The following HYAL1 variants were observed in gnomAD, a reference collection of about 807,000 sequenced individuals.
HYAL1 encodes hyaluronidase 1, also known as hyaluronidase-1.
HYAL1 carries 21 observed loss-of-function variants against 28.8 expected under a neutral mutation model. The observed-to-expected ratio is 0.73, with a 90% confidence interval of 0.52 to 1.05. The LOEUF is 1.05. Ranked by LOEUF, HYAL1 falls within the 50% of genes least tolerant of loss-of-function variation. HYAL1 has a pLI of 0.00. For missense variants in HYAL1, 491 were observed against 579.2 expected (o/e 0.85, Z 1.56); for synonymous variants, 200 against 230.1 (o/e 0.87, Z 1.18).
At position 50,303,565 on chromosome 3, in the gene HYAL1, T is replaced by C. The variant is rs28365992; in HGVS notation, c.-124A>G. 12,574 of 152,434 alleles carry C rather than the reference T, an allele frequency of 0.082. 629 individuals are homozygous for C. The highest frequency in any genetic ancestry group is 0.11 in the Non-Finnish European group (7,375 of 68,122). 9.4% of individuals were successfully genotyped at this position (152,434 alleles called of 1,614,324 possible). A position where few individuals can be genotyped will look rare whatever the true frequency, so the allele number is the denominator to read the frequency against. ...CCACCCCAGCTGCACCAGAGACTCC[T>C]GGAGGAAGGAGCCGCTGCTGGAAAT... On this transcript the variant is annotated 5_prime_UTR_variant, in exon 1 of 4. Coordinates refer to ENST00000395144, the MANE Select transcript of HYAL1 (RefSeq NM_033159.4).
At chr3:50,310,030 T>C (rs1357022218) in intron 1 of HYAL1, among the ~76,000 whole-genome samples, 1 of 151,414 alleles carries the variant, frequency 6.6e-6, no homozygotes, top group African/African-American at 2.5e-5. Flanking sequence ...CCATGATTTG[T>C]CTTTAGTAAA....
intron 1 of HYAL1, among the ~76,000 whole-genome samples, chr3:50,311,261 G>C (rs1477325841): frequency 1.4e-5 from 2 of 140,082 alleles, no homozygotes; most frequent in East Asian, 2.2e-4. Flanking sequence ...CGGCCGGGGC[G>C]GGGGGCTGAC....
chr3:50,305,623 G>A (rs927564274), upstream of HYAL1, among the ~76,000 whole-genome samples: 1 of 141,724 alleles, frequency 7.1e-6, no homozygotes, highest in African/African-American at 2.7e-5. Flanking sequence ...GCAACCTCTG[G>A]CTCCCGGGTT....
rs1553713039 is a variant in HYAL1, at chr3:50,302,096, G to C, written c.861C>G (p.Val287=). ...GGTTTGTCGTGTCATAGAAGATCTGGACATAGGGCAGCACCGGCAGATTGG... is the reference window on the plus strand; with the variant it reads ...GGTTTGTCGTGTCATAGAAGATCTGCACATAGGGCAGCACCGGCAGATTGG... ...GDPNLPVLPY[V]QIFYDTTNHF... The change falls in exon 2 of 4, where the codon GTC becomes GTG. Residue 287 remains valine (V), a synonymous_variant. Coordinates refer to ENST00000395144, the MANE Select transcript of HYAL1 (RefSeq NM_033159.4). This position sits in a 1 kb window ranked among gnomAD's most constrained non-coding sequence, Gnocchi z 5.0. 3 of 1,614,216 alleles carry C rather than the reference G, an allele frequency of 1.9e-6. No individual in the cohort carries two copies. In the South Asian group the frequency reaches 3.3e-5, roughly 18 times the overall value.
intron 1 of HYAL1, among the ~76,000 whole-genome samples, chr3:50,312,013 T>C (rs868934745): frequency 0.02 from 1,744 of 87,370 alleles, 12 homozygotes; most frequent in African/African-American, 0.027. Context: ...GCTGGCCGGG[T>C]GGGAGGCTGT....
At chr3:50,311,049 C>T (rs1553714680) in intron 1 of HYAL1, among the ~76,000 whole-genome samples, 2 of 152,176 alleles carry the variant, frequency 1.3e-5, no homozygotes, top group East Asian at 1.9e-4. Flanking sequence ...TTTTCCCCAC[C>T]TTTCCCACCT....
chr3:50,306,087 C>T (rs1024060075), upstream of HYAL1, among the ~76,000 whole-genome samples: 4 of 151,312 alleles, frequency 2.6e-5, no homozygotes, highest in African/African-American at 4.9e-5. Context: ...CCTATCTGTG[C>T]TTGGTACCAG....
upstream of HYAL1, among the ~76,000 whole-genome samples, chr3:50,307,079 A>T (rs587622742): frequency 5.3e-5 from 8 of 150,276 alleles, no homozygotes; most frequent in South Asian, 1.0e-3. Flanking sequence ...AAAAAAAAAA[A>T]AAATAAGCCG....
At position 50,300,411 on chromosome 3, in the gene HYAL1, G is replaced by T; in HGVS notation, c.*72C>A. On this transcript the variant is annotated 3_prime_UTR_variant, in exon 4 of 4. Transcript: ENST00000395144. ...GACCATGACTTGTATGACTGTGCAT[G>T]TATTTGAGGAAGCCCTGGCCAGACC... 1 of 1,441,152 alleles carries T rather than the reference G, an allele frequency of 6.9e-7. No individual in the cohort carries two copies. Among genetic ancestry groups the T allele is most frequent in the Non-Finnish European group, 9.8e-7 (1 of 1,023,818 alleles). 89.3% of individuals were successfully genotyped at this position (1,441,152 alleles called of 1,614,324 possible). A position where few individuals can be genotyped will look rare whatever the true frequency, so the allele number is the denominator to read the frequency against.
chr3:50,306,626 C>A (rs1357743663), upstream of HYAL1, among the ~76,000 whole-genome samples: 1 of 151,168 alleles, frequency 6.6e-6, no homozygotes, highest in Non-Finnish European at 1.5e-5. Context: ...GTGGCTCACA[C>A]CCGTAATCCC....
upstream of HYAL1, among the ~76,000 whole-genome samples, chr3:50,307,406 C>T (rs113178391): frequency 9.3e-4 from 139 of 149,554 alleles, 7 homozygotes; most frequent in African/African-American, 3.1e-3. Flanking sequence ...TAGGGCCGGA[C>T]GCAGTGGCTC....
At chr3:50,307,663 A>G (rs1279070333), upstream of HYAL1, among the ~76,000 whole-genome samples, 11 of 125,098 alleles carry the variant, frequency 8.8e-5, no homozygotes, top group Admixed American at 7.7e-4. Context: ...CCTGGGTGAC[A>G]GAGCAAGACT....
chr3:50,307,944 G>A (rs1575522200), upstream of HYAL1, among the ~76,000 whole-genome samples: 5 of 149,140 alleles, frequency 3.4e-5, no homozygotes, highest in South Asian at 2.1e-4. Context: ...ACAGGGGCCC[G>A]CCATCATGCC....
chr3:50,306,972 A>G (rs1429753512), upstream of HYAL1, among the ~76,000 whole-genome samples: 1 of 151,124 alleles, frequency 6.6e-6, no homozygotes, highest in Non-Finnish European at 1.5e-5. Context: ...CAGGAGGCTG[A>G]GGCAGGAGAA....
Position 50,300,483 on chromosome 3 carries a change from TCAC to T in HYAL1, c.1305_1307del (p.Trp435del). 6.2e-7 allele frequency: 1 copy of T among 1,614,134 alleles called. No individual in the cohort carries two copies. Among genetic ancestry groups the T allele is most frequent in the Non-Finnish European group, 8.5e-7 (1 of 1,180,024 alleles). On this transcript the variant is annotated inframe_deletion, in exon 4 of 4. Transcript: ENST00000395144. ...TATGTGCAACTCAGTGTGTGGCCAA[TCAC>T]CACATGCTCTTCCGCTCACACCACG...
rs1702049969 is a variant in HYAL1, at chr3:50,299,961, T to A, written c.*522A>T. On this transcript the variant is annotated 3_prime_UTR_variant, in exon 4 of 4. Transcript: ENST00000395144. Reference sequence around the variant, plus strand: ...GATTCAGGGGTCGTGCAGGGCTGGTTACCACAAACTCAGTAGGAGTGCAAG... The same window carrying A: ...GATTCAGGGGTCGTGCAGGGCTGGTAACCACAAACTCAGTAGGAGTGCAAG... The A allele has an allele frequency of 9.9e-6, 2 of 201,580 alleles. No homozygotes were observed. 12.5% of individuals were successfully genotyped at this position (201,580 alleles called of 1,614,324 possible). A position where few individuals can be genotyped will look rare whatever the true frequency, so the allele number is the denominator to read the frequency against.
At chr3:50,311,836 A>G (rs1278111466) in intron 1 of HYAL1, among the ~76,000 whole-genome samples, 307 of 75,374 alleles carry the variant, frequency 4.1e-3, no homozygotes, top group Middle Eastern at 0.033. Context: ...GCGGCTGGCC[A>G]GGCGGGGGGC....
intron 2 of HYAL1, 69 bp downstream of exon 2, chr3:50,301,988 G>T: frequency 9.7e-6 from 14 of 1,438,376 alleles, no homozygotes; most frequent in Non-Finnish European, 1.4e-5. Context: ...CAAAGCTAAA[G>T]TACCCCAAGG....
upstream of HYAL1, among the ~76,000 whole-genome samples, chr3:50,306,152 C>T (rs1001279714): frequency 5.3e-5 from 8 of 150,610 alleles, no homozygotes; most frequent in Non-Finnish European, 1.2e-4. Flanking sequence ...GGTCTGGGAG[C>T]ACCCCCTCCA....
Sources: allele counts gnomAD v4.1 joint callset (sites outside exome capture counted in the v4.1 genomes callset), GRCh38; gene constraint gnomAD v4.1.1; non-coding constraint Gnocchi (gnomAD v3.1); transcripts MANE v1.5; gene names NCBI Gene and HGNC (gene_info 2026-07-23, HGNC 2026-07-21).